The following PLEKHA5 variants were observed in gnomAD, a reference collection of about 807,000 sequenced individuals.
PLEKHA5 encodes the protein pleckstrin homology domain containing A5, also known as pleckstrin homology domain-containing family A member 5.
Under a neutral mutation model 181.9 loss-of-function variants are expected in PLEKHA5, and 55 were observed. The ratio of observed to expected loss-of-function variants is 0.30; its 90% CI spans 0.24 to 0.38. The LOEUF is 0.38. PLEKHA5 is among the 10% of genes least tolerant of loss of function. The pLI is 1.00. For synonymous variants in PLEKHA5, 535 were observed against 529.4 expected (o/e 1.01, Z -0.15); for missense variants, 1,432 against 1,549.5 (o/e 0.92, Z 1.27).
At chr12:19,375,389 C>T (rs562853143) in intron 31 of PLEKHA5, 142 bp from the exon 32 acceptor site, 3 of 152,140 alleles carry the variant, frequency 2.0e-5, no homozygotes, top group South Asian at 4.2e-4. Flanking sequence ...GAAAAATATC[C>T]TTTGATGTAT....
At chr12:19,332,869 T>G (rs569286086) in intron 20 of PLEKHA5, among the ~76,000 whole-genome samples, 9 of 152,284 alleles carry the variant, frequency 5.9e-5, no homozygotes, top group African/African-American at 1.9e-4. Context: ...TTGCCCAGGC[T>G]GGTCTCAGAT....
chr12:19,217,306 T>C (rs1056052304), intron 3 of PLEKHA5, among the ~76,000 whole-genome samples: 1 of 152,196 alleles, frequency 6.6e-6, no homozygotes, highest in Non-Finnish European at 1.5e-5. Context: ...GAATGCAGTT[T>C]ACTCCCAGAA....
rs181490941 is a variant in PLEKHA5 at position 19,249,484 on chromosome 12, A to C, written c.228-4456A>C. On this transcript the variant is annotated intron_variant, in intron 3 of 31. Transcript: ENST00000429027. Reference sequence around the variant, plus strand: ...ACTACTCAGAACAGCTCACAATTTAAAACTTAAGAATTGTTTATTTCTGGG... The same window carrying C: ...ACTACTCAGAACAGCTCACAATTTACAACTTAAGAATTGTTTATTTCTGGG... 3.2e-3 allele frequency among the ~76,000 whole-genome samples: 484 copies of C among 152,308 alleles called. 4 individuals carry two copies. Among genetic ancestry groups the C allele is most frequent in the African/African-American group, 0.011 (464 of 41,574 alleles).
chr12:19,311,647 A>G (rs2086602801), intron 15 of PLEKHA5, among the ~76,000 whole-genome samples: 1 of 152,140 alleles, frequency 6.6e-6, no homozygotes, highest in Non-Finnish European at 1.5e-5. Flanking sequence ...AAGTTTTAGT[A>G]TGAGATTGAA....
At chr12:19,337,945 C>T (rs1051856034) in intron 21 of PLEKHA5, among the ~76,000 whole-genome samples, 57 of 151,638 alleles carry the variant, frequency 3.8e-4, no homozygotes, top group African/African-American at 1.3e-3. Flanking sequence ...GCAGGAGAAT[C>T]GCTTGAACCC....
chr12:19,162,752 G>T (rs184964487), intron 3 of PLEKHA5, among the ~76,000 whole-genome samples: 1 of 152,266 alleles, frequency 6.6e-6, no homozygotes, highest in South Asian at 2.1e-4. Flanking sequence ...GGCTCTGGCA[G>T]CTAAGTGCCC....
chr12:19,322,365 A>G lies in PLEKHA5; in HGVS notation c.2273A>G (p.Lys758Arg). The G allele has an allele frequency of 6.2e-7, 1 of 1,612,744 alleles. No individual in the cohort carries two copies. Among genetic ancestry groups the G allele is most frequent in the Non-Finnish European group, 8.5e-7 (1 of 1,178,764 alleles). ...AAAGTGGTGCATGCTCTGGAAGAGAAACTTCAGCAACTCCACAAGGAGAAA... is the reference window on the plus strand; with the variant it reads ...AAAGTGGTGCATGCTCTGGAAGAGAGACTTCAGCAACTCCACAAGGAGAAA... ...QDKVVHALEE[K>R]LQQLHKEKYT... is the part of the protein sequence containing the mutation. Residue 758 changes from lysine to arginine, a missense_variant, in exon 19 of 32, where the codon AAA becomes AGA. By Grantham distance (26) the Lys-to-Arg change is conservative. Transcript: ENST00000429027.
At chr12:19,374,642 G>A (rs2095668596) in intron 31 of PLEKHA5, among the ~76,000 whole-genome samples, 1 of 146,474 alleles carries the variant, frequency 6.8e-6, no homozygotes, top group South Asian at 2.2e-4. Context: ...CTGGGCGACA[G>A]AGCGAGACTC....
rs548819336 is a variant in PLEKHA5, at chr12:19,218,381, A to G, written c.228-35559A>G. On this transcript the variant is annotated intron_variant, in intron 3 of 31. Transcript: ENST00000429027. The stretch of plus-strand genomic sequence containing the variant: ...CCTTCCCTGTAATTTAAAAAAGTCA[A>G]AGATGCCAGTGATTTTTTAAAAAGT... Among the ~76,000 whole-genome samples, 5 of 152,322 alleles carry G rather than the reference A, an allele frequency of 3.3e-5. No homozygotes were observed. In the East Asian group the frequency reaches 7.7e-4, roughly 23 times the overall value.
rs775964737 is a variant in PLEKHA5 at position 19,366,057 on chromosome 12, T to C, written c.3702T>C (p.Val1234=). The C allele has an allele frequency of 6.8e-6, 11 of 1,611,096 alleles. No individual in the cohort carries two copies. The East Asian group carries it at 2.2e-4, about 33-fold the overall frequency. ...KNSVDEQEET[V]ISYESTPEVS... ...GTGTTGACGAACAGGAAGAAACTGT[T>C]ATTTCTTACGAATCAACTCCTGAGG... Residue 1234 remains valine, a synonymous_variant, in exon 30 of 32, where the codon GTT becomes GTC. Coordinates refer to ENST00000429027, the MANE Select transcript of PLEKHA5 (RefSeq NM_001256470.2).
chr12:19,169,986 GAAAC>G (rs1275334489), intron 3 of PLEKHA5, among the ~76,000 whole-genome samples: 2 of 152,178 alleles, frequency 1.3e-5, no homozygotes, highest in Non-Finnish European at 2.9e-5. Context: ...ATATATAAGA[GAAAC>G]AAATTCATAT....
At chr12:19,317,178 G>C (rs1265286940) in intron 16 of PLEKHA5, among the ~76,000 whole-genome samples, 1 of 152,024 alleles carries the variant, frequency 6.6e-6, no homozygotes, top group East Asian at 1.9e-4. Flanking sequence ...ACTAGCCTGG[G>C]CAACAAAGCA....
At chr12:19,184,364 C>T (rs1037585629) in intron 3 of PLEKHA5, among the ~76,000 whole-genome samples, 11 of 152,134 alleles carry the variant, frequency 7.2e-5, no homozygotes, top group African/African-American at 2.7e-4. Context: ...CCCTCTGCCC[C>T]TTTCTCATTA....
In PLEKHA5 at chr12:19,197,689, TG is replaced by T. The variant is rs1228376087; in HGVS notation, c.228-56250del. On this transcript the variant is annotated intron_variant, in intron 3 of 31. Coordinates refer to ENST00000429027, the MANE Select transcript of PLEKHA5 (RefSeq NM_001256470.2). ...GTCTATCCGGTGCTGTGTGTGTGTG[TG>T]TGTGTGTGTGTGTGTGTGTGTGTGT... Among the ~76,000 whole-genome samples the T allele has an allele frequency of 4.5e-5, 5 of 111,480 alleles. No individual in the cohort carries two copies. The East Asian group carries it at 7.9e-4, about 18-fold the overall frequency. 73.1% of individuals were successfully genotyped at this position (111,480 alleles called of 152,430 possible). A position where few individuals can be genotyped will look rare whatever the true frequency, so the allele number is the denominator to read the frequency against.
intron 29 of PLEKHA5, among the ~76,000 whole-genome samples, chr12:19,363,573 C>A (rs1388979403): frequency 1.3e-5 from 2 of 151,906 alleles, no homozygotes; most frequent in South Asian, 4.2e-4. Context: ...CACACTGCAA[C>A]CTCCACCTCC....
At chr12:19,372,835 G>A (rs1322460486) in intron 31 of PLEKHA5, 5 of 149,540 alleles carry the variant, frequency 3.3e-5, no homozygotes, top group Non-Finnish European at 7.4e-5. Flanking sequence ...GTGCAATGGT[G>A]AGATCTTGGA....
Position 19,347,036 on chromosome 12 carries a change from T to A in PLEKHA5, c.2752T>A (p.Tyr918Asn). 6.4e-7 allele frequency: 1 copy of A among 1,551,452 alleles called. No individual in the cohort carries two copies. The highest frequency in any genetic ancestry group is 8.7e-7 in the Non-Finnish European group (1 of 1,146,724). ...VPPRPPLPRS[Y>N]DFTEQPPIIP... Reference sequence around the variant, plus strand: ...ACCTCGTCCTCCACTTCCTCGGTCCTATGACTTTACAGAGCAGCCTCCCAT... The same window carrying A: ...ACCTCGTCCTCCACTTCCTCGGTCCAATGACTTTACAGAGCAGCCTCCCAT... The change falls in exon 24 of 32, where the codon TAT becomes AAT. Residue 918 changes from tyrosine (Y) to asparagine (N), a missense_variant. By Grantham distance (143) the Tyr-to-Asn change is moderately radical. This residue lies in a region of PLEKHA5 where 1,143 missense variants were observed against 1,168.4 expected (regional missense o/e 0.98). Transcript: ENST00000429027.
At chr12:19,160,999 G>T (rs1201405400) in intron 3 of PLEKHA5, among the ~76,000 whole-genome samples, 1 of 151,984 alleles carries the variant, frequency 6.6e-6, no homozygotes, top group Non-Finnish European at 1.5e-5. Flanking sequence ...TTAATCAAAG[G>T]ATTTATTATA....
At chr12:19,195,154 A>T (rs370656051) in intron 3 of PLEKHA5, among the ~76,000 whole-genome samples, 1 of 152,102 alleles carries the variant, frequency 6.6e-6, no homozygotes, top group Admixed American at 6.5e-5. Flanking sequence ...AAAGTTAGTA[A>T]CAGGACTAGG....
Sources: gnomAD v4.1 joint callset for allele counts (sites outside exome capture counted in the v4.1 genomes callset) on GRCh38, gnomAD v4.1.1 for gene constraint, gnomAD v4.1.1 regional missense constraint, MANE v1.5 for transcripts, NCBI Gene and HGNC (gene_info 2026-07-23, HGNC 2026-07-21) for gene names.